The following RNF152 variants were observed in gnomAD, a reference collection of about 807,000 sequenced individuals.
RNF152 encodes E3 ubiquitin-protein ligase RNF152.
Under a neutral mutation model 12.7 loss-of-function variants are expected in RNF152, and 11 were observed. The observed-to-expected ratio is 0.86, with a 90% CI of 0.54 to 1.43. The LOEUF is 1.43. Among genes scored for constraint, RNF152 ranks in the 40% most tolerant of loss-of-function variants. The pLI is 0.00. For missense variants in RNF152, 255 were observed against 274.8 expected, an observed-to-expected ratio of 0.93 and a Z score of 0.51; for synonymous variants, 113 against 120.3, an observed-to-expected ratio of 0.94 and a Z score of 0.40.
At chr18:61,863,398 G>A (rs575994904) in intron 1 of RNF152, among the ~76,000 whole-genome samples, 28 of 139,536 alleles carry the variant, frequency 2.0e-4, no homozygotes, top group African/African-American at 3.6e-4. Flanking sequence ...TCGTGCCACC[G>A]CACTCCAGCC....
rs1908966669 is a variant in RNF152, at chr18:61,814,479, G to A, written c.*1373C>T. On this transcript the variant is annotated 3_prime_UTR_variant, in exon 2 of 2. Transcript: ENST00000312828. ...CTGAATGCACATGCACCCAGGGATAGGAATTTATCACGTACTTGTAGCAGA... is the reference window on the plus strand; with the variant it reads ...CTGAATGCACATGCACCCAGGGATAAGAATTTATCACGTACTTGTAGCAGA... 1 of 152,214 alleles carries A rather than the reference G, an allele frequency of 6.6e-6. No individual in the cohort carries two copies. Among genetic ancestry groups the A allele is most frequent in the African/African-American group, 2.4e-5 (1 of 41,454 alleles). 9.4% of individuals were successfully genotyped at this position (152,214 alleles called of 1,614,324 possible).
At chr18:61,892,109 A>G (rs1381699485) in intron 1 of RNF152, among the ~76,000 whole-genome samples, 3 of 152,232 alleles carry the variant, frequency 2.0e-5, no homozygotes, top group Non-Finnish European at 1.5e-5. Context: ...GAAAGAAAAG[A>G]ACAGGCCAGA....
At chr18:61,877,629 G>A (rs372632579) in intron 1 of RNF152, among the ~76,000 whole-genome samples, 84 of 152,206 alleles carry the variant, frequency 5.5e-4, no homozygotes, top group African/African-American at 1.9e-3. Flanking sequence ...TTAATCACAC[G>A]TCAAAATTAT....
chr18:61,890,858 A>G (rs905217245), intron 1 of RNF152, among the ~76,000 whole-genome samples: 3 of 152,246 alleles, frequency 2.0e-5, no homozygotes, highest in Admixed American at 6.5e-5. Context: ...TAAAAAGACT[A>G]CAATGAAAAT....
At chr18:61,818,350 GA>G (rs1909214127) in intron 1 of RNF152, among the ~76,000 whole-genome samples, 1 of 152,030 alleles carries the variant, frequency 6.6e-6, no homozygotes, top group Non-Finnish European at 1.5e-5. Flanking sequence ...CTGAGCCTGG[GA>G]GGTTGAGGCT....
rs1912863644 is a variant in RNF152 at position 61,809,678 on chromosome 18, G to A, written c.*6174C>T. Reference sequence around the variant, plus strand: ...AAATGCATGCTGTTGCAGACTTCAAGAGGTCCCTCAGTACTCTGCCCCAAA... The same window carrying A: ...AAATGCATGCTGTTGCAGACTTCAAAAGGTCCCTCAGTACTCTGCCCCAAA... On this transcript the variant is annotated 3_prime_UTR_variant, in exon 2 of 2. Coordinates refer to ENST00000312828, the MANE Select transcript of RNF152 (RefSeq NM_173557.3). 6.6e-6 allele frequency: 1 copy of A among 152,078 alleles called. No homozygotes were observed. The highest frequency in any genetic ancestry group is 2.4e-5 in the African/African-American group (1 of 41,392). 9.4% of individuals were successfully genotyped at this position (152,078 alleles called of 1,614,324 possible). A position where few individuals can be genotyped will look rare whatever the true frequency, so the allele number is the denominator to read the frequency against.
intron 1 of RNF152, among the ~76,000 whole-genome samples, chr18:61,837,003 A>G (rs1189569470): frequency 2.0e-5 from 3 of 152,340 alleles, no homozygotes; most frequent in Middle Eastern, 6.8e-3. Context: ...TTATCTTTAC[A>G]GATATCACCT....
At chr18:61,846,472 C>A (rs1294774972) in intron 1 of RNF152, among the ~76,000 whole-genome samples, 2 of 152,146 alleles carry the variant, frequency 1.3e-5, no homozygotes, top group East Asian at 3.9e-4. Flanking sequence ...TTCTTCTCTA[C>A]CTCCCTGACC....
intron 1 of RNF152, among the ~76,000 whole-genome samples, chr18:61,840,294 T>C (rs1910393231): frequency 6.6e-6 from 1 of 152,204 alleles, no homozygotes; most frequent in East Asian, 1.9e-4. Flanking sequence ...GTCTATGGTA[T>C]TTTGCTATAG....
intron 1 of RNF152, among the ~76,000 whole-genome samples, chr18:61,874,655 C>G (rs1426797550): frequency 6.6e-6 from 1 of 152,102 alleles, no homozygotes; most frequent in Non-Finnish European, 1.5e-5. Context: ...AGAACAGGTT[C>G]CTCTAGAAGG....
chr18:61,859,762 C>T (rs1911379724), intron 1 of RNF152, among the ~76,000 whole-genome samples: 1 of 152,020 alleles, frequency 6.6e-6, no homozygotes, highest in Non-Finnish European at 1.5e-5. Context: ...GCCTGTAATC[C>T]CAGCTACTTA....
Position 61,812,517 on chromosome 18 carries a change from C to T in RNF152, c.*3335G>A, listed in dbSNP as rs138836931. 17 of 152,284 alleles carry T rather than the reference C, an allele frequency of 1.1e-4. No homozygotes were observed. The highest frequency in any genetic ancestry group is 4.1e-4 in the African/African-American group (17 of 41,556). The allele number at this position is 152,284 out of a possible 1,614,324, so 9.4% of individuals were successfully genotyped here. A position where few individuals can be genotyped will look rare whatever the true frequency, so the allele number is the denominator to read the frequency against. On this transcript the variant is annotated 3_prime_UTR_variant, in exon 2 of 2. Coordinates refer to ENST00000312828, the MANE Select transcript of RNF152 (RefSeq NM_173557.3). ...CAAAAACCAAGTTGCCTTTTCATCA[C>T]AACTTATGCCCCAAGTCATTATACA... is the stretch of plus-strand genomic sequence containing the variant.
At chr18:61,827,848 G>A (rs949418899) in intron 1 of RNF152, among the ~76,000 whole-genome samples, 3 of 152,084 alleles carry the variant, frequency 2.0e-5, no homozygotes, top group African/African-American at 7.2e-5. Context: ...ACTCAATGAG[G>A]GTTGATTTTC....
chr18:61,886,287 T>C (rs962923826), intron 1 of RNF152, among the ~76,000 whole-genome samples: 5 of 152,188 alleles, frequency 3.3e-5, no homozygotes, highest in African/African-American at 4.8e-5. Flanking sequence ...AAAATCGTTT[T>C]CTGTGTTGTC....
chr18:61,812,147 C>T lies in RNF152; in HGVS notation c.*3705G>A, dbSNP rs1212261575. 6.6e-6 allele frequency: 1 copy of T among 152,154 alleles called. No homozygotes were observed. The highest frequency in any genetic ancestry group is 1.9e-4 in the East Asian group (1 of 5,200). 9.4% of individuals were successfully genotyped at this position (152,154 alleles called of 1,614,324 possible). ...CAAGCGCTATCACCCAGAACTGCAT[C>T]GTTCAATATGGCAGCCACTAGACAC... On this transcript the variant is annotated 3_prime_UTR_variant, in exon 2 of 2. Coordinates refer to ENST00000312828, the MANE Select transcript of RNF152 (RefSeq NM_173557.3).
intron 1 of RNF152, 129 bp from the exon 2 acceptor site, chr18:61,816,727 C>A: frequency 2.6e-6 from 1 of 383,436 alleles, no homozygotes; most frequent in Non-Finnish European, 4.7e-6. Context: ...ATTTACCAGT[C>A]TTGAGACTAC....
At chr18:61,825,628 T>C (rs1909623680) in intron 1 of RNF152, among the ~76,000 whole-genome samples, 1 of 152,196 alleles carries the variant, frequency 6.6e-6, no homozygotes, top group African/African-American at 2.4e-5. Flanking sequence ...CAGGGAAGCA[T>C]GCAGTCATCA....
At chr18:61,834,924 G>T (rs910638303) in intron 1 of RNF152, among the ~76,000 whole-genome samples, 15 of 152,146 alleles carry the variant, frequency 9.9e-5, no homozygotes, top group African/African-American at 3.6e-4. Flanking sequence ...TCAGCGTCTG[G>T]GGGTAGGGTC....
intron 1 of RNF152, among the ~76,000 whole-genome samples, chr18:61,882,652 T>G (rs972431450): frequency 6.6e-6 from 1 of 152,222 alleles, no homozygotes; most frequent in Non-Finnish European, 1.5e-5. Context: ...CTTATCAGTC[T>G]CCATCAATCC....
Sources: gnomAD v4.1 joint callset for allele counts (sites outside exome capture counted in the v4.1 genomes callset) on GRCh38, gnomAD v4.1.1 for gene constraint, MANE v1.5 for transcripts, NCBI Gene and HGNC (gene_info 2026-07-23, HGNC 2026-07-21) for gene names.